Variants in PSMD8 observed in about 807,000 individuals in gnomAD.
PSMD8 encodes the protein proteasome 26S subunit, non-ATPase 8, also known as 26S proteasome non-ATPase regulatory subunit 8.
In PSMD8, 30 loss-of-function variants were observed where a neutral mutation model predicts 40.0. The ratio of observed to expected loss-of-function variants is 0.75; its 90% CI spans 0.56 to 1.02. The LOEUF (loss-of-function observed/expected upper bound fraction) is 1.02. Among genes scored for constraint, PSMD8 ranks in the 50% least tolerant of loss-of-function variants. PSMD8 has a pLI of 0.00. For missense variants in PSMD8, 461 were observed against 463.9 expected (o/e 0.99, Z 0.06); for synonymous variants, 208 against 192.5 (o/e 1.08, Z -0.67).
At chr19:38,379,453 A>C in intron 4 of PSMD8, 48 bp downstream of exon 4, 1 of 1,598,546 alleles carries the variant, frequency 6.3e-7, no homozygotes, top group Non-Finnish European at 8.6e-7. Context: ...TGGGTGGTGC[A>C]GGGGTGGTCT....
At position 38,382,562 on chromosome 19, in the gene PSMD8, G is replaced by A. The variant is rs955434096; in HGVS notation, c.915+334G>A. 3.0e-5 allele frequency: 16 copies of A among 529,958 alleles called. 1 individual carries two copies. The East Asian group carries it at 4.4e-4, about 14-fold the overall frequency. 32.8% of individuals were successfully genotyped at this position (529,958 alleles called of 1,614,324 possible). On this transcript the variant is annotated intron_variant, in intron 6 of 6. Transcript: ENST00000215071. ...GGCGTTTGAGCACGAGCAACGCTTG[G>A]TGTTGCAGGAGGAGGGCTGGGACCA...
chr19:38,375,905 A>T (rs889391993), intron 1 of PSMD8, among the ~76,000 whole-genome samples: 3 of 152,198 alleles, frequency 2.0e-5, no homozygotes, highest in African/African-American at 7.2e-5. Context: ...GCGTGATTCC[A>T]CTGGGTCAGG....
At chr19:38,379,508 C>G in intron 4 of PSMD8, 103 bp downstream of exon 4, 1 of 1,272,256 alleles carries the variant, frequency 7.9e-7, no homozygotes, top group Admixed American at 2.0e-5. Context: ...ACCCATCTTT[C>G]CACCCACGGA....
chr19:38,376,427 A>T lies in PSMD8; in HGVS notation c.509A>T (p.Gln170Leu), dbSNP rs1157760903. The change falls in exon 3 of 7, where the codon CAG becomes CTG. Residue 170 changes from glutamine to leucine, a missense_variant. Physicochemically the swap from Gln to Leu is moderately radical, Grantham distance 113. Around this residue, in one of 2 missense-constraint regions of PSMD8, gnomAD observed 236 missense variants for 321.2 expected, o/e 0.73. Coordinates refer to ENST00000215071, the MANE Select transcript of PSMD8 (RefSeq NM_002812.5). ...CCCTCCTTCGAGCGCTACATGGCCC[A>T]GCTCAAATGCTACTACTTTGATTAC... ...DIPSFERYMA[Q>L]LKCYYFDYKE... 1.9e-6 allele frequency: 3 copies of T among 1,552,092 alleles called. No homozygotes were observed. The highest frequency in any genetic ancestry group is 1.7e-6 in the Non-Finnish European group (2 of 1,147,108).
At chr19:38,376,132 T>C in intron 1 of PSMD8, 28 bp from the exon 2 acceptor site, 1 of 1,558,022 alleles carries the variant, frequency 6.4e-7, no homozygotes, top group Non-Finnish European at 8.8e-7. Flanking sequence ...CCTTCTTTTC[T>C]TTCTTCCCTC....
At position 38,374,855 on chromosome 19, in the gene PSMD8, G is replaced by A. The variant is rs773233590; in HGVS notation, c.254G>A (p.Gly85Asp). The A allele has an allele frequency of 1.3e-6, 2 of 1,582,604 alleles. No individual in the cohort carries two copies. The highest frequency in any genetic ancestry group is 1.7e-5 in the Admixed American group (1 of 57,640). ...FSSSGPAATS[G>D]AVLQAATGMY... ...AGCTCCGGGCCCGCGGCAACCTCGG[G>A]CGCTGTTCTGCAGGCCGCGACCGGC... Residue 85 changes from glycine (G) to aspartate (D), a missense_variant, in exon 1 of 7, where the codon GGC becomes GAC. Coordinates refer to ENST00000215071, the MANE Select transcript of PSMD8 (RefSeq NM_002812.5).
At position 38,376,150 on chromosome 19, in the gene PSMD8, T is replaced by G; in HGVS notation, c.361-10T>G. The stretch of plus-strand genomic sequence containing the variant: ...TCTTTTCTTTCTTCCCTCCCTCCCC[T>G]CCCCATCAGCTAGTTCTTCTGGAGC... On this transcript the variant is annotated splice_polypyrimidine_tract_variant and intron_variant, in intron 1 of 6. Transcript: ENST00000215071. 2.3e-6 allele frequency: 2 copies of G among 886,602 alleles called. No homozygotes were observed. Among genetic ancestry groups the G allele is most frequent in the Non-Finnish European group, 3.5e-6 (2 of 567,956 alleles). 54.9% of individuals were successfully genotyped at this position (886,602 alleles called of 1,614,324 possible).
chr19:38,379,518 A>G (rs1331160666), intron 4 of PSMD8, 113 bp downstream of exon 4: 5 of 1,176,036 alleles, frequency 4.3e-6, no homozygotes, highest in Non-Finnish European at 6.0e-6. Flanking sequence ...CCACCCACGG[A>G]CCCATCCTCT....
chr19:38,383,184 T>C, intron 6 of PSMD8, 69 bp from the exon 7 acceptor site: 2 of 1,589,646 alleles, frequency 1.3e-6, no homozygotes, highest in Non-Finnish European at 1.7e-6. Context: ...GGGCAAGTGC[T>C]GGCCCCATAG....
intron 1 of PSMD8, 120 bp from the exon 2 acceptor site, chr19:38,376,040 A>C (rs1035601691): frequency 3.0e-6 from 3 of 983,958 alleles, no homozygotes; most frequent in African/African-American, 1.6e-5. Flanking sequence ...AGCATTCCTC[A>C]TGAGTCTGGA....
In PSMD8 at chr19:38,383,502, C is replaced by G; in HGVS notation, c.*112C>G. 5 of 1,413,872 alleles carry G rather than the reference C, an allele frequency of 3.5e-6. No homozygotes were observed. Among genetic ancestry groups the G allele is most frequent in the Non-Finnish European group, 4.9e-6 (5 of 1,027,996 alleles). The allele number at this position is 1,413,872 out of a possible 1,614,324, so 87.6% of individuals were successfully genotyped here. ...TCCCTCTTCCAGGCCCTTGTCTCCC[C>G]AGTTGGGACGGCAGAGAGACAAGTT... On this transcript the variant is annotated 3_prime_UTR_variant, in exon 7 of 7. Transcript: ENST00000215071.
At chr19:38,381,449 G>T (rs1401373321) in intron 5 of PSMD8, 1 of 163,460 alleles carries the variant, frequency 6.1e-6, no homozygotes, top group African/African-American at 2.4e-5. Context: ...GCAGATGGAT[G>T]TGACATACAA....
chr19:38,377,013 C>G (rs751487037), intron 3 of PSMD8, among the ~76,000 whole-genome samples: 22 of 152,228 alleles, frequency 1.4e-4, no homozygotes, highest in Non-Finnish European at 2.9e-5. Flanking sequence ...AGAACAGGGA[C>G]TCACTGGATA....
At chr19:38,381,459 A>G (rs558057505) in intron 5 of PSMD8, 20 of 163,920 alleles carry the variant, frequency 1.2e-4, no homozygotes, top group South Asian at 1.0e-3. Flanking sequence ...GTGACATACA[A>G]ATCCCTTGAG....
chr19:38,382,159 C>G lies in PSMD8; in HGVS notation c.846C>G (p.Ile282Met), dbSNP rs1242872307. ...AGCIEKAYEKILFTEATRILF... is the reference protein window; with the variant it reads ...AGCIEKAYEKMLFTEATRILF... ...GCATCGAGAAGGCCTACGAGAAAAT[C>G]CTTTTCACTGAGGCCACCCGGATCC... Residue 282 changes from isoleucine (I) to methionine (M), a missense_variant, in exon 6 of 7, where the codon ATC becomes ATG. Physicochemically the swap from Ile to Met is conservative, Grantham distance 10 (BLOSUM62 1). This residue lies in a region of PSMD8 where 236 missense variants were observed against 321.2 expected (regional missense o/e 0.73). Coordinates refer to ENST00000215071, the MANE Select transcript of PSMD8 (RefSeq NM_002812.5). The G allele has an allele frequency of 6.3e-7, 1 of 1,591,878 alleles. No homozygotes were observed. The highest frequency in any genetic ancestry group is 1.2e-5 in the South Asian group (1 of 86,938).
chr19:38,380,729 T>TGTGCGCGCGCGTGC lies in PSMD8; in HGVS notation c.703-169_703-168insTGCGCGCGCGTGCG, dbSNP rs1555743518. 1.9e-4 allele frequency among the ~76,000 whole-genome samples: 29 copies of TGTGCGCGCGCGTGC among 150,140 alleles called. No individual in the cohort carries two copies. The South Asian group carries it at 5.3e-3, about 28-fold the overall frequency. ...GAGAGTGTGTGTGTGTGTGTGTGTG[T>TGTGCGCGCGCGTGC]GCGCATAAACCAGCAAGGGCTTTCT... On this transcript the variant is annotated intron_variant, in intron 4 of 6. Coordinates refer to ENST00000215071, the MANE Select transcript of PSMD8 (RefSeq NM_002812.5).
At position 38,378,719 on chromosome 19, in the gene PSMD8, C is replaced by G. The variant is rs368974383; in HGVS notation, c.537-521C>G. Among the ~76,000 whole-genome samples, 7 of 151,278 alleles carry G rather than the reference C, an allele frequency of 4.6e-5. No homozygotes were observed. In the South Asian group the frequency reaches 8.4e-4, roughly 18 times the overall value. Reference sequence around the variant, plus strand: ...CTGTAATCCAAGCACTTTGGGAGGCCGAGGTGGGTGGATCACGAGATCAGG... The same window carrying G: ...CTGTAATCCAAGCACTTTGGGAGGCGGAGGTGGGTGGATCACGAGATCAGG... On this transcript the variant is annotated intron_variant, in intron 3 of 6. Transcript: ENST00000215071.
At chr19:38,379,039 G>A (rs1036600517) in intron 3 of PSMD8, among the ~76,000 whole-genome samples, 1 of 152,142 alleles carries the variant, frequency 6.6e-6, no homozygotes, top group African/African-American at 2.4e-5. Context: ...GAGGTCACTC[G>A]CTCTTGTATG....
Position 38,382,116 on chromosome 19 carries a change from G to A in PSMD8, c.804-1G>A. The A allele has an allele frequency of 3.2e-6, 5 of 1,561,048 alleles. No individual in the cohort carries two copies. Among genetic ancestry groups the A allele is most frequent in the Non-Finnish European group, 4.3e-6 (5 of 1,152,072 alleles). ...ATGAGGAGCTTCTCATCTTCCCCCA[G>A]GGATGAGATCGCTGGGTGCATCGAG... On this transcript the variant is annotated splice_acceptor_variant, in intron 5 of 6. Transcript: ENST00000215071. LOFTEE classifies it high-confidence loss of function.
Sources: gnomAD v4.1 joint callset for allele counts (sites outside exome capture counted in the v4.1 genomes callset) on GRCh38, gnomAD v4.1.1 for gene constraint, gnomAD v4.1.1 regional missense constraint, MANE v1.5 for transcripts, NCBI Gene and HGNC (gene_info 2026-07-23, HGNC 2026-07-21) for gene names.